The following DDAH1 variants were observed in gnomAD, a reference collection of about 807,000 sequenced individuals.
The protein encoded by DDAH1 is N(G),N(G)-dimethylarginine dimethylaminohydrolase 1.
DDAH1 carries 19 observed loss-of-function variants against 28.8 expected under a neutral mutation model. The ratio of observed to expected loss-of-function variants is 0.66; its 90% CI spans 0.46 to 0.97. The LOEUF (loss-of-function observed/expected upper bound fraction) is 0.97, where lower values mean the gene tolerates loss of function less well. Ranked by LOEUF, DDAH1 falls within the 50% of genes least tolerant of loss-of-function variation. The pLI is 0.00. For missense variants in DDAH1, 326 were observed against 375.9 expected (o/e 0.87, Z 1.10); for synonymous variants, 153 against 154.4 (o/e 0.99, Z 0.07).
chr1:85,488,839 A>G (rs1656290679), intron 2 of DDAH1, among the ~76,000 whole-genome samples: 1 of 152,240 alleles, frequency 6.6e-6, no homozygotes, highest in Non-Finnish European at 1.5e-5. Flanking sequence ...CTGGTGAAAA[A>G]GTATTAAAAG....
intron 1 of DDAH1, among the ~76,000 whole-genome samples, chr1:85,369,055 C>CTTTTTTTT (rs36109764): frequency 5.9e-5 from 5 of 84,610 alleles, no homozygotes; most frequent in Non-Finnish European, 6.7e-5. Context: ...CCAGGGGATT[C>CTTTTTTTT]TTTTTTTTTT....
chr1:85,374,706 T>A (rs1557543920), intron 1 of DDAH1, among the ~76,000 whole-genome samples: 1 of 152,098 alleles, frequency 6.6e-6, no homozygotes. Flanking sequence ...TATGAGAATT[T>A]TTTTTTTGCT....
chr1:85,541,630 A>C (rs1029245451), intron 1 of DDAH1, among the ~76,000 whole-genome samples: 6 of 152,174 alleles, frequency 3.9e-5, no homozygotes, highest in Non-Finnish European at 8.8e-5. Flanking sequence ...AGTTCACAGA[A>C]ATTTTTAAAC....
intron 1 of DDAH1, among the ~76,000 whole-genome samples, chr1:85,408,517 A>G (rs1652511631): frequency 6.6e-6 from 1 of 152,156 alleles, no homozygotes; most frequent in Non-Finnish European, 1.5e-5. Flanking sequence ...TTACTTTACA[A>G]AAAAAGTACT....
intron 4 of DDAH1, among the ~76,000 whole-genome samples, chr1:85,331,545 A>G (rs1420189829): frequency 6.6e-6 from 1 of 152,170 alleles, no homozygotes; most frequent in East Asian, 1.9e-4. Context: ...CTTCATTGCT[A>G]CTGCATATCT....
At chr1:85,526,984 GTTCCAGGGTAGAAC>G (rs1480086504) in intron 1 of DDAH1, among the ~76,000 whole-genome samples, 19 of 152,326 alleles carry the variant, frequency 1.2e-4, no homozygotes, top group African/African-American at 4.3e-4. Flanking sequence ...GCTAATAAGT[GTTCCAGGGTAGAAC>G]TTCTATTTCT....
chr1:85,494,078 C>T (rs1656496405), intron 2 of DDAH1: 1 of 152,168 alleles, frequency 6.6e-6, no homozygotes, highest in Non-Finnish European at 1.5e-5. Context: ...TTTTTTCCCC[C>T]TTCTGAATGT....
rs903441344 is a variant in DDAH1, at chr1:85,491,790, C to A, written c.-7+4376G>T. Among the ~76,000 whole-genome samples, 3 of 152,220 alleles carry A rather than the reference C, an allele frequency of 2.0e-5. 1 individual carries two copies. The highest frequency in any genetic ancestry group is 1.3e-4 in the Admixed American group (2 of 15,270). ...TTTGATGTCAGTGTTTTTTCTGTAT[C>A]TTTTGCTTGTGTACTTTGTACTCTA... is the stretch of plus-strand genomic sequence containing the variant. On this transcript the variant is annotated intron_variant, in intron 2 of 6. Transcript: ENST00000426972.
At chr1:85,397,491 A>T (rs1651865364) in intron 1 of DDAH1, among the ~76,000 whole-genome samples, 2 of 152,194 alleles carry the variant, frequency 1.3e-5, no homozygotes, top group African/African-American at 4.8e-5. Context: ...TTTATTTAAA[A>T]CATTGCTGGT....
intron 2 of DDAH1, among the ~76,000 whole-genome samples, chr1:85,357,290 C>T (rs760392035): frequency 5.3e-5 from 8 of 152,138 alleles, no homozygotes; most frequent in Non-Finnish European, 8.8e-5. Flanking sequence ...CAGAGATGGA[C>T]CACTGCATGA....
rs186483639 is a variant in DDAH1 at position 85,371,510 on chromosome 1, C to G, written c.304-12663G>C. 1.7e-4 allele frequency among the ~76,000 whole-genome samples: 26 copies of G among 152,168 alleles called. No individual in the cohort carries two copies. In the East Asian group the frequency reaches 4.8e-3, roughly 28 times the overall value. On this transcript the variant is annotated intron_variant, in intron 1 of 5. Transcript: ENST00000284031. ...AGTAATACTCTACCTCAAACAACAA[C>G]AAAAAACAACCATACCAGTAGCATA...
intron 1 of DDAH1, among the ~76,000 whole-genome samples, chr1:85,563,789 T>C (rs1659207086): frequency 6.6e-6 from 1 of 152,210 alleles, no homozygotes; most frequent in South Asian, 2.1e-4. Flanking sequence ...ATATTCCATA[T>C]ATTGAAAAAG....
intron 1 of DDAH1, among the ~76,000 whole-genome samples, chr1:85,504,557 G>A (rs1450097941): frequency 6.6e-6 from 1 of 152,150 alleles, no homozygotes; most frequent in East Asian, 1.9e-4. Flanking sequence ...ATATGAATAT[G>A]ATTGTCACAT....
chr1:85,341,630 C>T (rs1377964548), intron 4 of DDAH1, among the ~76,000 whole-genome samples: 2 of 152,002 alleles, frequency 1.3e-5, no homozygotes, highest in Non-Finnish European at 2.9e-5. Context: ...CTGGCTAACA[C>T]GGTAAAACCC....
At chr1:85,371,929 C>G (rs1460793094) in intron 1 of DDAH1, among the ~76,000 whole-genome samples, 3 of 152,078 alleles carry the variant, frequency 2.0e-5, no homozygotes, top group Non-Finnish European at 4.4e-5. Context: ...TTTGACTGTT[C>G]TACATTGCCC....
intron 4 of DDAH1, 42 bp from the exon 5 acceptor site, chr1:85,324,925 C>T (rs1455207484): frequency 1.2e-6 from 2 of 1,605,654 alleles, no homozygotes; most frequent in South Asian, 1.1e-5. Flanking sequence ...AGTAACTCCC[C>T]ACACTTTCAA....
rs1048257363 is a variant in DDAH1, at chr1:85,392,999, C to T, written c.304-34152G>A. Among the ~76,000 whole-genome samples the T allele has an allele frequency of 2.8e-4, 42 of 152,104 alleles. 1 individual carries two copies. Among genetic ancestry groups the T allele is most frequent in the African/African-American group, 8.9e-4 (37 of 41,430 alleles). ...TCCAAAGGTCTTTGACATGGACACTCTAAGCATCTGACATACATGGCTGAT... is the reference window on the plus strand; with the variant it reads ...TCCAAAGGTCTTTGACATGGACACTTTAAGCATCTGACATACATGGCTGAT... On this transcript the variant is annotated intron_variant, in intron 1 of 5. Coordinates refer to ENST00000284031, the MANE Select transcript of DDAH1 (RefSeq NM_012137.4).
intron 1 of DDAH1, among the ~76,000 whole-genome samples, chr1:85,445,903 A>G (rs1180069890): frequency 1.3e-5 from 2 of 152,176 alleles, no homozygotes; most frequent in Non-Finnish European, 2.9e-5. Context: ...ACTTGACTTC[A>G]TGTTACATTT....
intron 1 of DDAH1, among the ~76,000 whole-genome samples, chr1:85,553,440 T>A (rs17390886): frequency 0.11 from 16,263 of 152,286 alleles, 1,187 homozygotes; most frequent in Non-Finnish European, 0.15. Flanking sequence ...TTAAAACTTT[T>A]GGGATCTCTA....
Sources: allele counts gnomAD v4.1 joint callset (sites outside exome capture counted in the v4.1 genomes callset), GRCh38; gene constraint gnomAD v4.1.1; transcripts MANE v1.5; gene names NCBI Gene and HGNC (gene_info 2026-07-23, HGNC 2026-07-21).